The following DENND1A variants were observed in gnomAD, a reference collection of about 807,000 sequenced individuals.
DENND1A encodes the protein DENN domain containing 1A, also known as DENN domain-containing protein 1A.
In DENND1A, 51 loss-of-function variants were observed where a neutral mutation model predicts 113.7. That is an observed-to-expected ratio of 0.45 (90% CI 0.36 to 0.57). The LOEUF (loss-of-function observed/expected upper bound fraction) is 0.57, where lower values mean the gene tolerates loss of function less well. Ranked by LOEUF, DENND1A falls within the 20% of genes least tolerant of loss-of-function variation. The pLI, the probability that DENND1A is intolerant of heterozygous loss-of-function variation, is 0.00. For missense variants in DENND1A, 1,258 were observed against 1,395.9 expected (o/e 0.90, Z 1.57); for synonymous variants, 565 against 570.8 (o/e 0.99, Z 0.14).
intron 1 of DENND1A, among the ~76,000 whole-genome samples, chr9:123,925,504 G>C (rs1305825697): frequency 6.6e-6 from 1 of 152,062 alleles, no homozygotes; most frequent in East Asian, 1.9e-4. Context: ...TTGTTTTGGT[G>C]GGGAGGGAGT....
In DENND1A at chr9:123,403,534, G is replaced by A. The variant is rs1385198575; in HGVS notation, c.1543-44C>T. The A allele has an allele frequency of 3.2e-6, 5 of 1,565,106 alleles. No individual in the cohort carries two copies. The African/African-American group carries it at 4.1e-5, about 13-fold the overall frequency. On this transcript the variant is annotated intron_variant, in intron 20 of 23. Transcript: ENST00000394215. ...GAGAGCCCCAAGAAGGAGTGAGTTGGAAAAGCCATACAGGTACATTCTGAA... is the reference window on the plus strand; with the variant it reads ...GAGAGCCCCAAGAAGGAGTGAGTTGAAAAAGCCATACAGGTACATTCTGAA...
At chr9:123,716,666 CA>C (rs1166203863) in intron 5 of DENND1A, among the ~76,000 whole-genome samples, 1 of 152,188 alleles carries the variant, frequency 6.6e-6, no homozygotes, top group Non-Finnish European at 1.5e-5. Flanking sequence ...TTTAAGCTTG[CA>C]AAAAGTACAA....
At position 123,403,485 on chromosome 9, in the gene DENND1A, G is replaced by A; in HGVS notation, c.1548C>T (p.Arg516=). 2 of 1,614,100 alleles carry A rather than the reference G, an allele frequency of 1.2e-6. No homozygotes were observed. The highest frequency in any genetic ancestry group is 1.7e-6 in the Non-Finnish European group (2 of 1,180,004). ...PPKIQRSRPV[R]PPRPHVVKRP... ...TCTTAACAACATGTGGACGAGGTGGGCGCACCTAGAGGAGGTACAGGGGGA... is the reference window on the plus strand; with the variant it reads ...TCTTAACAACATGTGGACGAGGTGGACGCACCTAGAGGAGGTACAGGGGGA... Residue 516 remains arginine (R), a synonymous_variant, in exon 21 of 24, where the codon CGC becomes CGT. Coordinates refer to ENST00000394215, the MANE Select transcript of DENND1A (RefSeq NM_001352964.2).
chr9:123,896,503 C>G (rs1162921680), intron 1 of DENND1A, among the ~76,000 whole-genome samples: 1 of 152,088 alleles, frequency 6.6e-6, no homozygotes, highest in African/African-American at 2.4e-5. Context: ...TGGCAAAAAT[C>G]AGAAAACCCT....
intron 2 of DENND1A, among the ~76,000 whole-genome samples, chr9:123,845,049 T>C (rs1471161542): frequency 6.6e-6 from 1 of 151,806 alleles, no homozygotes; most frequent in Non-Finnish European, 1.5e-5. Flanking sequence ...CGAAACACCA[T>C]CTCTACCAAA....
chr9:123,878,075 T>C (rs1253481646), intron 2 of DENND1A, among the ~76,000 whole-genome samples: 1 of 151,354 alleles, frequency 6.6e-6, no homozygotes, highest in Non-Finnish European at 1.5e-5. Context: ...TGGTGGCACA[T>C]GCCTATAATC....
chr9:123,922,758 C>T (rs1856482678), intron 1 of DENND1A, among the ~76,000 whole-genome samples: 1 of 152,238 alleles, frequency 6.6e-6, no homozygotes, highest in South Asian at 2.1e-4. Context: ...TTGCCCTCAA[C>T]AGTTACTGAT....
At chr9:123,710,278 G>C (rs765528822) in intron 5 of DENND1A, among the ~76,000 whole-genome samples, 27 of 152,166 alleles carry the variant, frequency 1.8e-4, no homozygotes, top group Non-Finnish European at 4.4e-5. Flanking sequence ...AAGGGCTTTT[G>C]CATGTCCTGT....
At chr9:123,680,779 G>A (rs980656767) in intron 5 of DENND1A, among the ~76,000 whole-genome samples, 1 of 152,202 alleles carries the variant, frequency 6.6e-6, no homozygotes, top group Non-Finnish European at 1.5e-5. Context: ...AAAATTTTAA[G>A]AGCTCTCCGA....
intron 19 of DENND1A, among the ~76,000 whole-genome samples, chr9:123,417,476 C>T (rs954474371): frequency 6.6e-6 from 1 of 152,146 alleles, no homozygotes; most frequent in African/African-American, 2.4e-5. Context: ...AAACAGGAGG[C>T]CCAGAGAGGT....
chr9:123,556,832 C>T (rs2057443211), intron 13 of DENND1A, among the ~76,000 whole-genome samples: 1 of 152,352 alleles, frequency 6.6e-6, no homozygotes, highest in African/African-American at 2.4e-5. Flanking sequence ...AGGAGAGAAA[C>T]AGCAAAGAAG....
intron 5 of DENND1A, among the ~76,000 whole-genome samples, chr9:123,745,157 A>G (rs1156708660): frequency 6.6e-6 from 1 of 152,210 alleles, no homozygotes; most frequent in Admixed American, 6.5e-5. Context: ...AGTAATCAGA[A>G]GCTCATTTCC....
chr9:123,799,612 G>A (rs1834314917), intron 2 of DENND1A, among the ~76,000 whole-genome samples: 3 of 152,154 alleles, frequency 2.0e-5, no homozygotes, highest in Admixed American at 2.0e-4. Context: ...CCCATAACAC[G>A]GCACGCCCAC....
chr9:123,450,204 C>T (rs2047611470), intron 18 of DENND1A, among the ~76,000 whole-genome samples: 1 of 152,174 alleles, frequency 6.6e-6, no homozygotes, highest in Non-Finnish European at 1.5e-5. Flanking sequence ...CACTTGGTCC[C>T]CCAGGGCGAG....
intron 5 of DENND1A, among the ~76,000 whole-genome samples, chr9:123,693,103 T>C (rs1195452360): frequency 6.6e-6 from 1 of 152,242 alleles, no homozygotes; most frequent in African/African-American, 2.4e-5. Context: ...CCACCCATTC[T>C]ATGTGTATAT....
intron 18 of DENND1A, among the ~76,000 whole-genome samples, chr9:123,450,322 T>C (rs1231898906): frequency 6.6e-6 from 1 of 152,222 alleles, no homozygotes; most frequent in African/African-American, 2.4e-5. Context: ...TCCTTGGTTT[T>C]GGTTACAACC....
chr9:123,767,296 T>C (rs1207229202), intron 4 of DENND1A, among the ~76,000 whole-genome samples: 2 of 152,124 alleles, frequency 1.3e-5, no homozygotes, highest in Non-Finnish European at 2.9e-5. Context: ...CAATAAAAGT[T>C]ATCAACACCC....
chr9:123,423,791 C>T (rs1378258968), intron 19 of DENND1A, among the ~76,000 whole-genome samples: 1 of 152,288 alleles, frequency 6.6e-6, no homozygotes, highest in East Asian at 1.9e-4. Context: ...CTTGGCATAA[C>T]AGGCCTAACA....
chr9:123,503,487 T>C (rs1423371498), intron 13 of DENND1A, among the ~76,000 whole-genome samples: 1 of 152,204 alleles, frequency 6.6e-6, no homozygotes, highest in Non-Finnish European at 1.5e-5. Flanking sequence ...ATGTTATCTA[T>C]GAGCTCTTGA....
Sources: allele counts gnomAD v4.1 joint callset (sites outside exome capture counted in the v4.1 genomes callset), GRCh38; gene constraint gnomAD v4.1.1; transcripts MANE v1.5; gene names NCBI Gene and HGNC (gene_info 2026-07-23, HGNC 2026-07-21).